Variants in SMG6 observed in about 807,000 individuals in gnomAD.
SMG6 encodes the protein SMG6 nonsense mediated mRNA decay factor, also known as telomerase-binding protein EST1A.
Under a neutral mutation model 142.2 loss-of-function variants are expected in SMG6, and 66 were observed. The ratio of observed to expected loss-of-function variants is 0.46; its 90% CI spans 0.38 to 0.57. The LOEUF (loss-of-function observed/expected upper bound fraction) is 0.57. Ranked by LOEUF, SMG6 falls within the 20% of genes least tolerant of loss-of-function variation. SMG6 has a pLI of 0.00. For missense variants in SMG6, 1,793 were observed against 1,832.0 expected (o/e 0.98, Z 0.39); for synonymous variants, 779 against 702.4 (o/e 1.11, Z -1.72).
At chr17:2,130,133 G>A (rs939013574) in intron 13 of SMG6, among the ~76,000 whole-genome samples, 12 of 150,704 alleles carry the variant, frequency 8.0e-5, no homozygotes, top group African/African-American at 1.2e-4. Context: ...GGTGGCGGGC[G>A]CCTGTAGTCC....
intron 13 of SMG6, among the ~76,000 whole-genome samples, chr17:2,097,521 A>G (rs2151465089): frequency 6.6e-6 from 1 of 152,316 alleles, no homozygotes; most frequent in Non-Finnish European, 1.5e-5. Flanking sequence ...GTAAGGGGGC[A>G]TATTTCCTAC....
chr17:2,121,849 C>T, intron 13 of SMG6, among the ~76,000 whole-genome samples: 1 of 151,652 alleles, frequency 6.6e-6, no homozygotes, highest in East Asian at 1.9e-4. Context: ...CTTTTCTTTT[C>T]TTTTGAGATA....
At chr17:2,112,270 T>C (rs1017518601) in intron 13 of SMG6, among the ~76,000 whole-genome samples, 7 of 151,568 alleles carry the variant, frequency 4.6e-5, no homozygotes, top group Admixed American at 1.3e-4. Flanking sequence ...TTTGGGAGGC[T>C]GAGGCGGGTG....
intron 13 of SMG6, among the ~76,000 whole-genome samples, chr17:2,095,443 T>C (rs1047250862): frequency 3.9e-5 from 6 of 152,206 alleles, no homozygotes; most frequent in African/African-American, 1.4e-4. Flanking sequence ...ACATCTGTAG[T>C]CTTCAACACA....
Position 2,065,699 on chromosome 17 carries a change from C to A in SMG6, c.3836-20G>T, listed in dbSNP as rs1444068693. The stretch of plus-strand genomic sequence containing the variant: ...TGATCACTGATGAGATAGAGCCCCA[C>A]AAGGTATCAGCCTCAGCAATCAGCT... On this transcript the variant is annotated intron_variant, in intron 16 of 18. Coordinates refer to ENST00000263073, the MANE Select transcript of SMG6 (RefSeq NM_017575.5). The A allele has an allele frequency of 2.5e-6, 4 of 1,595,808 alleles. No individual in the cohort carries two copies. The highest frequency in any genetic ancestry group is 1.3e-5 in the African/African-American group (1 of 74,796).
chr17:2,187,882 A>G (rs1185470433), intron 11 of SMG6, among the ~76,000 whole-genome samples: 1 of 152,072 alleles, frequency 6.6e-6, no homozygotes, highest in Non-Finnish European at 1.5e-5. Flanking sequence ...CCTACCTTCT[A>G]CTGCTACAAC....
At chr17:2,248,175 C>G (rs1365196156) in intron 8 of SMG6, among the ~76,000 whole-genome samples, 1 of 152,130 alleles carries the variant, frequency 6.6e-6, no homozygotes, top group African/African-American at 2.4e-5. Context: ...TCCCCCAAGC[C>G]AACTCAGAAA....
At chr17:2,168,934 G>C (rs1369610911) in intron 13 of SMG6, among the ~76,000 whole-genome samples, 4 of 151,626 alleles carry the variant, frequency 2.6e-5, no homozygotes, top group African/African-American at 7.3e-5. Context: ...TTTTAGTAGA[G>C]ACGGGGTTTC....
intron 10 of SMG6, among the ~76,000 whole-genome samples, chr17:2,189,454 A>C (rs1472439088): frequency 6.6e-6 from 1 of 152,156 alleles, no homozygotes; most frequent in Non-Finnish European, 1.5e-5. Context: ...CGAGGAGGAG[A>C]CACCACATAC....
intron 1 of SMG6, 137 bp from the exon 2 acceptor site, chr17:2,300,801 G>A (rs746850131): frequency 3.7e-5 from 28 of 747,652 alleles, no homozygotes; most frequent in Non-Finnish European, 5.8e-5. Context: ...GCTAATACTG[G>A]TAGGCAAAGA....
chr17:2,262,836 T>A (rs1177665653), intron 8 of SMG6, among the ~76,000 whole-genome samples: 1 of 152,174 alleles, frequency 6.6e-6, no homozygotes, highest in Non-Finnish European at 1.5e-5. Context: ...AGGTGCTCCA[T>A]GAATATTTAT....
At chr17:2,303,455 C>A in intron 1 of SMG6, 178 bp downstream of exon 1, 2 of 1,314,432 alleles carry the variant, frequency 1.5e-6, no homozygotes, top group East Asian at 3.1e-5. Context: ...CCGAGCCCGA[C>A]CCCGCACTAA....
chr17:2,104,152 C>T (rs1407363930), intron 13 of SMG6, among the ~76,000 whole-genome samples: 7 of 151,996 alleles, frequency 4.6e-5, no homozygotes, highest in East Asian at 1.9e-4. Context: ...GGGGTTTCAC[C>T]ATGTTAGCCA....
intron 10 of SMG6, chr17:2,229,578 T>A (rs1432856346): frequency 6.6e-6 from 1 of 152,226 alleles, no homozygotes; most frequent in Non-Finnish European, 1.5e-5. Flanking sequence ...GTCCAGCCTG[T>A]CTCACAGGGC....
chr17:2,167,579 G>A (rs1304287672), intron 13 of SMG6, among the ~76,000 whole-genome samples: 1 of 152,172 alleles, frequency 6.6e-6, no homozygotes, highest in Non-Finnish European at 1.5e-5. Flanking sequence ...CAAAACTCAA[G>A]AACTCTTCAA....
rs575879573 is a variant in SMG6 at position 2,172,199 on chromosome 17, A to C, written c.3357+459T>G. 3.3e-5 allele frequency among the ~76,000 whole-genome samples: 5 copies of C among 152,172 alleles called. No individual in the cohort carries two copies. The East Asian group carries it at 9.6e-4, about 29-fold the overall frequency. On this transcript the variant is annotated intron_variant, in intron 13 of 18. Coordinates refer to ENST00000263073, the MANE Select transcript of SMG6 (RefSeq NM_017575.5). ...CATATTCCTACAAGTTTTTTTTTCT[A>C]AGTTAACACATGGTGTCTGCTTCTC...
chr17:2,227,111 T>C (rs2073342133), intron 10 of SMG6, among the ~76,000 whole-genome samples: 1 of 152,140 alleles, frequency 6.6e-6, no homozygotes, highest in Non-Finnish European at 1.5e-5. Flanking sequence ...GAAAGTGGAA[T>C]TCTCACTGCT....
intron 13 of SMG6, among the ~76,000 whole-genome samples, chr17:2,122,016 T>A (rs2069717564): frequency 6.6e-6 from 1 of 152,074 alleles, no homozygotes; most frequent in Non-Finnish European, 1.5e-5. Flanking sequence ...GTATTTTTAG[T>A]AGAGACGGGG....
chr17:2,098,086 T>C (rs989408411), intron 13 of SMG6, among the ~76,000 whole-genome samples: 4 of 152,144 alleles, frequency 2.6e-5, no homozygotes, highest in East Asian at 1.9e-4. Flanking sequence ...CTTCTCAGAC[T>C]CAGGTGATCC....
Sources: gnomAD v4.1 joint callset for allele counts (sites outside exome capture counted in the v4.1 genomes callset) on GRCh38, gnomAD v4.1.1 for gene constraint, MANE v1.5 for transcripts, NCBI Gene and HGNC (gene_info 2026-07-23, HGNC 2026-07-21) for gene names.